PRKG1: variants seen among roughly 807,000 people sequenced by gnomAD.
PRKG1 encodes cGMP-dependent protein kinase 1.
PRKG1 carries 35 observed loss-of-function variants against 88.1 expected under a neutral mutation model. The observed-to-expected ratio is 0.40, with a 90% CI of 0.30 to 0.53. PRKG1 has a LOEUF of 0.53. Among genes scored for constraint, PRKG1 ranks in the 20% least tolerant of loss-of-function variants. The pLI, the probability that PRKG1 is intolerant of heterozygous loss-of-function variation, is 0.59. For missense variants in PRKG1, 540 were observed against 839.8 expected (o/e 0.64, Z 4.41); for synonymous variants, 303 against 292.5 (o/e 1.04, Z -0.37).
At chr10:52,001,298 G>A (rs1438080669) in intron 5 of PRKG1, among the ~76,000 whole-genome samples, 2 of 151,750 alleles carry the variant, frequency 1.3e-5, no homozygotes, top group Middle Eastern at 3.4e-3. Context: ...GTACAACATG[G>A]TGACTATAGT....
At chr10:51,621,657 C>G (rs180724867) in intron 3 of PRKG1, among the ~76,000 whole-genome samples, 1 of 152,096 alleles carries the variant, frequency 6.6e-6, no homozygotes, top group African/African-American at 2.4e-5. Flanking sequence ...AATTAACAAA[C>G]GCAGATATTG....
chr10:51,465,059 T>C (rs943516208), intron 2 of PRKG1, among the ~76,000 whole-genome samples: 2 of 152,132 alleles, frequency 1.3e-5, no homozygotes, highest in African/African-American at 4.8e-5. Flanking sequence ...TTGAAACCCA[T>C]CAGTGTTATA....
At chr10:51,562,222 T>TAAA (rs1837483447) in intron 3 of PRKG1, among the ~76,000 whole-genome samples, 1 of 38,698 alleles carries the variant, frequency 2.6e-5, no homozygotes. Context: ...AGACTCCATC[T>TAAA]CAAAAAAAAA....
rs1163592279 is a variant in PRKG1, at chr10:51,831,297, T to TTCATGGTAGAAAATG, written c.698+26609_698+26623dup. 2.0e-4 allele frequency among the ~76,000 whole-genome samples: 31 copies of TTCATGGTAGAAAATG among 152,222 alleles called. No homozygotes were observed. The South Asian group carries it at 6.2e-3, about 31-fold the overall frequency. On this transcript the variant is annotated intron_variant, in intron 4 of 17. Transcript: ENST00000373980. ...TTTCTGATAGCAGAATCATTATATG[T>TTCATGGTAGAAAATG]TCATGGTAGAAAATGTAGAAACTAC...
At chr10:51,557,233 G>T (rs4935263) in intron 3 of PRKG1, among the ~76,000 whole-genome samples, 21,884 of 151,886 alleles carry the variant, frequency 0.14, 1,714 homozygotes, top group African/African-American at 0.2. Flanking sequence ...AAGAAATGCT[G>T]CTGGGTTAGA....
chr10:51,303,730 A>G (rs539121910), intron 2 of PRKG1, among the ~76,000 whole-genome samples: 3 of 152,256 alleles, frequency 2.0e-5, no homozygotes, highest in African/African-American at 7.2e-5. Flanking sequence ...AACTAAATAA[A>G]ACATATCTTT....
At chr10:51,738,586 GGTA>G (rs531025144) in intron 3 of PRKG1, among the ~76,000 whole-genome samples, 44 of 152,256 alleles carry the variant, frequency 2.9e-4, no homozygotes, top group African/African-American at 9.4e-4. Flanking sequence ...GGGAATGGGA[GGTA>G]GATAGGTTAT....
intron 2 of PRKG1, among the ~76,000 whole-genome samples, chr10:51,403,996 G>A (rs1434631013): frequency 1.3e-5 from 2 of 152,104 alleles, no homozygotes; most frequent in Non-Finnish European, 2.9e-5. Context: ...AGCTATGAAT[G>A]TTCTTTGCCC....
intron 4 of PRKG1, among the ~76,000 whole-genome samples, chr10:51,811,397 T>C (rs951008855): frequency 2.0e-5 from 3 of 152,214 alleles, no homozygotes; most frequent in African/African-American, 7.2e-5. Context: ...TTCATTTTTT[T>C]AATAACTCAA....
intron 4 of PRKG1, among the ~76,000 whole-genome samples, chr10:51,806,315 T>C (rs901598773): frequency 1.3e-5 from 2 of 152,228 alleles, no homozygotes; most frequent in Non-Finnish European, 2.9e-5. Context: ...GCCAATGCTA[T>C]CTCAAATGAC....
At chr10:51,055,795 C>A (rs533676684) in intron 1 of PRKG1, among the ~76,000 whole-genome samples, 3 of 152,064 alleles carry the variant, frequency 2.0e-5, no homozygotes, top group Non-Finnish European at 2.9e-5. Flanking sequence ...CTTACAAATA[C>A]CATTTTCTTC....
intron 2 of PRKG1, among the ~76,000 whole-genome samples, chr10:51,157,822 AAATTTTATTTTTGCATT>A (rs1846252466): frequency 7.5e-6 from 1 of 133,178 alleles, no homozygotes; most frequent in Non-Finnish European, 1.6e-5. Flanking sequence ...TTTGCATTTC[AAATTTTATTTTTGCATT>A]TCAAATTTTA....
chr10:51,564,403 A>T (rs769380521), intron 3 of PRKG1, among the ~76,000 whole-genome samples: 1 of 152,090 alleles, frequency 6.6e-6, no homozygotes, highest in African/African-American at 2.4e-5. Context: ...ACAGCTTTTA[A>T]GGATGAAATC....
chr10:52,144,297 G>C (rs1215659295), intron 8 of PRKG1, among the ~76,000 whole-genome samples: 1 of 152,194 alleles, frequency 6.6e-6, no homozygotes, highest in Non-Finnish European at 1.5e-5. Context: ...GATGGGGATA[G>C]ATAGTAAATA....
intron 1 of PRKG1, among the ~76,000 whole-genome samples, chr10:51,097,583 G>A (rs1844563427): frequency 6.6e-6 from 1 of 152,062 alleles, no homozygotes; most frequent in South Asian, 2.1e-4. Flanking sequence ...AGACTGATTA[G>A]CAGCCCCACT....
chr10:51,910,599 G>C (rs1360942568), intron 5 of PRKG1: 1 of 152,116 alleles, frequency 6.6e-6, no homozygotes, highest in African/African-American at 2.4e-5. Context: ...AAGCAGAGGG[G>C]AATATTAAGC....
chr10:51,131,332 G>A (rs1485739668), intron 1 of PRKG1, among the ~76,000 whole-genome samples: 1 of 152,082 alleles, frequency 6.6e-6, no homozygotes, highest in Non-Finnish European at 1.5e-5. Flanking sequence ...TTCTGAGGAA[G>A]GCCTCAAAAA....
chr10:51,250,958 C>T (rs745461462), intron 2 of PRKG1, among the ~76,000 whole-genome samples: 12 of 151,638 alleles, frequency 7.9e-5, no homozygotes, highest in Non-Finnish European at 1.6e-4. Context: ...ACTAGAGCTG[C>T]GATGTTTTCC....
At chr10:51,392,198 A>G (rs1009864661) in intron 2 of PRKG1, among the ~76,000 whole-genome samples, 6 of 151,484 alleles carry the variant, frequency 4.0e-5, no homozygotes, top group African/African-American at 1.5e-4. Context: ...TGGCAGGGTC[A>G]TAGGACAATA....
Sources: gnomAD v4.1 joint callset for allele counts (sites outside exome capture counted in the v4.1 genomes callset) on GRCh38, gnomAD v4.1.1 for gene constraint, MANE v1.5 for transcripts, NCBI Gene and HGNC (gene_info 2026-07-23, HGNC 2026-07-21) for gene names.